ADAMTS17: variants seen among roughly 807,000 people sequenced by gnomAD.
ADAMTS17 encodes the protein ADAM metallopeptidase with thrombospondin type 1 motif 17.
A neutral mutation model predicts 141.5 loss-of-function variants in ADAMTS17; 113 were observed. That is an observed-to-expected ratio of 0.80 (90% CI 0.69 to 0.93). The LOEUF (loss-of-function observed/expected upper bound fraction) is 0.93. ADAMTS17 is among the 40% of genes least tolerant of loss of function. The pLI, the probability that ADAMTS17 is intolerant of heterozygous loss-of-function variation, is 0.00. For synonymous variants in ADAMTS17, 768 were observed against 630.6 expected (o/e 1.22, Z -3.27); for missense variants, 1,659 against 1,517.9 (o/e 1.09, Z -1.54).
chr15:100,084,223 G>A (rs2034941185), intron 15 of ADAMTS17, among the ~76,000 whole-genome samples: 1 of 152,214 alleles, frequency 6.6e-6, no homozygotes, highest in African/African-American at 2.4e-5. Context: ...AGGGTCCCAT[G>A]CCCACAGAGC....
At chr15:100,259,060 C>G (rs1413316217) in intron 6 of ADAMTS17, among the ~76,000 whole-genome samples, 1 of 152,068 alleles carries the variant, frequency 6.6e-6, no homozygotes, top group Non-Finnish European at 1.5e-5. Flanking sequence ...GGAAAATTAC[C>G]ATAAGCCATT....
intron 7 of ADAMTS17, among the ~76,000 whole-genome samples, chr15:100,208,678 A>C (rs1435139272): frequency 6.6e-6 from 1 of 152,122 alleles, no homozygotes; most frequent in Non-Finnish European, 1.5e-5. Flanking sequence ...GTACACTTAG[A>C]TACACTATCT....
chr15:100,090,650 C>A (rs892074292), intron 15 of ADAMTS17, among the ~76,000 whole-genome samples: 5 of 152,180 alleles, frequency 3.3e-5, no homozygotes, highest in African/African-American at 9.7e-5. Flanking sequence ...GACCTCTCAA[C>A]GCAGGGCAGT....
At chr15:100,262,465 A>G in intron 4 of ADAMTS17, 30 bp from the exon 5 acceptor site, 1 of 1,586,966 alleles carries the variant, frequency 6.3e-7, no homozygotes, top group Non-Finnish European at 8.6e-7. Context: ...AAATAAAGAT[A>G]TAAAGATAAA....
chr15:100,237,036 A>G (rs982295358), intron 7 of ADAMTS17, among the ~76,000 whole-genome samples: 4 of 152,130 alleles, frequency 2.6e-5, no homozygotes, highest in Admixed American at 2.0e-4. Context: ...TCAGACTCCA[A>G]TCTGAAGCTG....
At chr15:100,093,074 A>C (rs1448858928) in intron 15 of ADAMTS17, among the ~76,000 whole-genome samples, 1 of 152,238 alleles carries the variant, frequency 6.6e-6, no homozygotes, top group Admixed American at 6.5e-5. Context: ...AGCCAAGTTG[A>C]GTTGATTCCT....
At chr15:100,330,857 T>G (rs1456617701) in intron 3 of ADAMTS17, 32 bp downstream of exon 3, 2 of 1,613,022 alleles carry the variant, frequency 1.2e-6, no homozygotes, top group Non-Finnish European at 1.7e-6. Flanking sequence ...GTGCGTGTGT[T>G]CTAAGCTGGT....
chr15:100,089,196 A>G (rs1374057438), intron 15 of ADAMTS17, among the ~76,000 whole-genome samples: 2 of 149,808 alleles, frequency 1.3e-5, no homozygotes, highest in African/African-American at 5.0e-5. Flanking sequence ...GACACTTCTC[A>G]AAAGAAGACA....
At chr15:100,197,509 G>A (rs1408394214) in intron 8 of ADAMTS17, among the ~76,000 whole-genome samples, 1 of 152,140 alleles carries the variant, frequency 6.6e-6, no homozygotes, top group Non-Finnish European at 1.5e-5. Context: ...AGGATTTTAA[G>A]AACTCAGAGG....
chr15:100,113,077 T>A (rs1252030244), intron 13 of ADAMTS17, among the ~76,000 whole-genome samples: 1 of 152,156 alleles, frequency 6.6e-6, no homozygotes, highest in African/African-American at 2.4e-5. Flanking sequence ...AGACTCCTGT[T>A]CCCAAAGCTG....
intron 8 of ADAMTS17, among the ~76,000 whole-genome samples, chr15:100,167,133 T>A (rs1458575128): frequency 2.6e-5 from 4 of 152,206 alleles, no homozygotes; most frequent in Non-Finnish European, 5.9e-5. Context: ...CACAAGTGAC[T>A]AACTGCTAGC....
intron 6 of ADAMTS17, among the ~76,000 whole-genome samples, chr15:100,255,134 G>A (rs781188908): frequency 1.5e-4 from 23 of 152,184 alleles, no homozygotes; most frequent in Non-Finnish European, 3.1e-4. Context: ...GCAAGTACAA[G>A]GGGTTCATCT....
Position 100,103,309 on chromosome 15 carries a change from C to T in ADAMTS17, c.2016+5680G>A, listed in dbSNP as rs57603222. Reference sequence around the variant, plus strand: ...GGGAAGGGCAGCATGTGGGGAGCATCGTGAAGATGCAAACCCAGGCTTAAG... The same window carrying T: ...GGGAAGGGCAGCATGTGGGGAGCATTGTGAAGATGCAAACCCAGGCTTAAG... On this transcript the variant is annotated intron_variant, in intron 14 of 21. Transcript: ENST00000268070. 5.0e-3 allele frequency among the ~76,000 whole-genome samples: 767 copies of T among 152,312 alleles called. 6 individuals are homozygous for T. Among genetic ancestry groups the T allele is most frequent in the African/African-American group, 0.018 (728 of 41,550 alleles).
intron 12 of ADAMTS17, among the ~76,000 whole-genome samples, chr15:100,127,488 G>A (rs1292258003): frequency 6.6e-6 from 1 of 152,188 alleles, no homozygotes; most frequent in Non-Finnish European, 1.5e-5. Context: ...TGGACTTCTG[G>A]TTTCTAGAAC....
At chr15:100,097,308 A>G (rs890761800) in intron 14 of ADAMTS17, among the ~76,000 whole-genome samples, 7 of 152,168 alleles carry the variant, frequency 4.6e-5, no homozygotes, top group African/African-American at 1.7e-4. Context: ...CAGAACAAGA[A>G]CTGGGTTTTT....
At chr15:100,307,731 C>T (rs1417900459) in intron 3 of ADAMTS17, among the ~76,000 whole-genome samples, 3 of 152,186 alleles carry the variant, frequency 2.0e-5, no homozygotes, top group East Asian at 1.9e-4. Flanking sequence ...TCACGTGCCG[C>T]GTGCAGTGCC....
In ADAMTS17 at chr15:99,990,820, C is replaced by T. The variant is rs112506225; in HGVS notation, c.2949+2228G>A. 3.3e-3 allele frequency among the ~76,000 whole-genome samples: 497 copies of T among 152,180 alleles called. 4 individuals carry two copies. Among genetic ancestry groups the T allele is most frequent in the African/African-American group, 0.011 (466 of 41,512 alleles). On this transcript the variant is annotated intron_variant, in intron 20 of 21. Transcript: ENST00000268070. ...GAGCCATGTTGCCACATTTTCATAGCGAAGCCAAAACCTAAATTTTCAAAT... is the reference window on the plus strand; with the variant it reads ...GAGCCATGTTGCCACATTTTCATAGTGAAGCCAAAACCTAAATTTTCAAAT...
intron 18 of ADAMTS17, among the ~76,000 whole-genome samples, chr15:100,023,809 G>T (rs999078449): frequency 1.3e-5 from 2 of 152,176 alleles, no homozygotes; most frequent in African/African-American, 4.8e-5. Context: ...TCTTTGCGCT[G>T]ATCTCCAGGG....
intron 3 of ADAMTS17, among the ~76,000 whole-genome samples, chr15:100,301,347 GAGACGGAGTCTC>G (rs553668058): frequency 1.9e-3 from 280 of 148,024 alleles, no homozygotes; most frequent in Non-Finnish European, 3.3e-3. Context: ...ATATTTTTCT[GAGACGGAGTCTC>G]TGTTGCCCAG....
Sources: allele counts gnomAD v4.1 joint callset (sites outside exome capture counted in the v4.1 genomes callset), GRCh38; gene constraint gnomAD v4.1.1; transcripts MANE v1.5; gene names NCBI Gene and HGNC (gene_info 2026-07-23, HGNC 2026-07-21).